ICA1: variants seen among roughly 807,000 people sequenced by gnomAD.
ICA1 encodes 69 kDa islet cell autoantigen.
ICA1 carries 40 observed loss-of-function variants against 71.0 expected under a neutral mutation model. The observed-to-expected ratio is 0.56, with a 90% CI of 0.44 to 0.73. The LOEUF (loss-of-function observed/expected upper bound fraction) is 0.73. Among genes scored for constraint, ICA1 ranks in the 30% least tolerant of loss-of-function variants. The pLI is 0.00. For missense variants in ICA1, 578 were observed against 576.5 expected (o/e 1.00, Z -0.03); for synonymous variants, 207 against 209.5 (o/e 0.99, Z 0.10).
In ICA1 at chr7:8,232,622, CA is replaced by C. The variant is rs1563122096; in HGVS notation, c.150del (p.Ala51ProfsTer10). ...ATGKKEDEHV[V>X]ASDADLDAKL... ...TTGGCATCCAGGTCCGCGTCAGAGG[CA>C]ACAACATGTTCATCTTCCTTCTTCC... On this transcript the variant is annotated frameshift_variant, in exon 3 of 14. Transcript: ENST00000402384. LOFTEE classifies it high-confidence loss of function. 6.2e-7 allele frequency: 1 copy of C among 1,612,836 alleles called. No individual in the cohort carries two copies. The highest frequency in any genetic ancestry group is 8.5e-7 in the Non-Finnish European group (1 of 1,179,420).
chr7:8,227,550 T>C (rs750765708), intron 4 of ICA1: 120 of 303,214 alleles, frequency 4.0e-4, no homozygotes, highest in Non-Finnish European at 6.8e-4. Flanking sequence ...ACATAGATAA[T>C]TTATAAAATA....
chr7:8,210,737 C>T (rs906285890), intron 6 of ICA1, among the ~76,000 whole-genome samples: 2 of 151,802 alleles, frequency 1.3e-5, no homozygotes, highest in South Asian at 2.1e-4. Flanking sequence ...TTTTTTGAAA[C>T]GGGGTCTCAC....
In ICA1 at chr7:8,218,302, T is replaced by C; in HGVS notation, c.579+3A>G. 1.2e-6 allele frequency: 2 copies of C among 1,613,980 alleles called. No homozygotes were observed. Among genetic ancestry groups the C allele is most frequent in the South Asian group, 1.1e-5 (1 of 91,074 alleles). On this transcript the variant is annotated splice_donor_region_variant and intron_variant, in intron 6 of 13. Transcript: ENST00000402384. Reference sequence around the variant, plus strand: ...TTCTGCTAACCCTCATAAAACCTCCTACCTTCCTGAACTTCTCCATTTGCT... The same window carrying C: ...TTCTGCTAACCCTCATAAAACCTCCCACCTTCCTGAACTTCTCCATTTGCT...
chr7:8,134,422 T>C (rs989418339), intron 12 of ICA1, among the ~76,000 whole-genome samples: 24 of 152,082 alleles, frequency 1.6e-4, no homozygotes, highest in African/African-American at 5.6e-4. Flanking sequence ...ACACAGAAGA[T>C]GGAAGGAAAC....
intron 13 of ICA1, among the ~76,000 whole-genome samples, chr7:8,127,255 G>A (rs1204553501): frequency 2.0e-5 from 3 of 151,654 alleles, no homozygotes; most frequent in Admixed American, 6.6e-5. Context: ...GCCTCCCAAA[G>A]TGCTGGGATT....
chr7:8,251,288 A>C (rs893795084), intron 1 of ICA1, among the ~76,000 whole-genome samples: 6 of 151,792 alleles, frequency 4.0e-5, no homozygotes, highest in African/African-American at 1.5e-4. Flanking sequence ...TGACTCCCTA[A>C]AACTATTAAA....
chr7:8,257,239 G>C (rs1406613099), intron 1 of ICA1, among the ~76,000 whole-genome samples: 1 of 152,186 alleles, frequency 6.6e-6, no homozygotes, highest in Non-Finnish European at 1.5e-5. Flanking sequence ...AAGGAGAGGG[G>C]CACTATTTAT....
At chr7:8,141,460 A>C (rs1416727243) in intron 10 of ICA1, among the ~76,000 whole-genome samples, 1 of 152,168 alleles carries the variant, frequency 6.6e-6, no homozygotes, top group African/African-American at 2.4e-5. Context: ...AAATCTTATA[A>C]TCCGCTGTGA....
intron 6 of ICA1, among the ~76,000 whole-genome samples, chr7:8,215,275 G>C (rs1252832747): frequency 6.6e-6 from 1 of 152,120 alleles, no homozygotes. Flanking sequence ...TAAGCACGCT[G>C]CTCCTTTCCC....
intron 1 of ICA1, among the ~76,000 whole-genome samples, chr7:8,241,686 C>A (rs1429449613): frequency 6.6e-6 from 1 of 152,158 alleles, no homozygotes; most frequent in Non-Finnish European, 1.5e-5. Context: ...CAGACAGAGA[C>A]ACACATAGGC....
intron 4 of ICA1, among the ~76,000 whole-genome samples, chr7:8,227,196 C>T (rs1477580409): frequency 1.3e-5 from 2 of 152,172 alleles, no homozygotes; most frequent in East Asian, 3.9e-4. Context: ...AAGGTTTAAG[C>T]CAAGGAAGAA....
At chr7:8,147,597 G>A (rs1562663711) in intron 8 of ICA1, among the ~76,000 whole-genome samples, 2 of 151,630 alleles carry the variant, frequency 1.3e-5, no homozygotes, top group Non-Finnish European at 2.9e-5. Context: ...GCTCAGGGGA[G>A]TAATTTGAAA....
At chr7:8,169,941 C>T (rs1287871574) in intron 6 of ICA1, among the ~76,000 whole-genome samples, 4 of 75,856 alleles carry the variant, frequency 5.3e-5, no homozygotes, top group African/African-American at 6.9e-5. Flanking sequence ...AATGCCTGAA[C>T]AAACCTTCCC....
chr7:8,240,615 G>A (rs867310119), intron 1 of ICA1, among the ~76,000 whole-genome samples: 2 of 152,086 alleles, frequency 1.3e-5, no homozygotes, highest in African/African-American at 4.8e-5. Context: ...AAACTTCTCC[G>A]AGCTAAAGGA....
intron 13 of ICA1, among the ~76,000 whole-genome samples, chr7:8,121,455 G>A (rs1280849252): frequency 6.6e-6 from 1 of 152,134 alleles, no homozygotes; most frequent in Non-Finnish European, 1.5e-5. Flanking sequence ...GCAACAACCT[G>A]GATGGAACTG....
At chr7:8,167,003 G>C (rs1806244992) in intron 6 of ICA1, among the ~76,000 whole-genome samples, 1 of 152,146 alleles carries the variant, frequency 6.6e-6, no homozygotes. Context: ...GCAGAAAAAA[G>C]GAATGTGTAT....
At chr7:8,237,902 C>T (rs74795944) in intron 1 of ICA1, among the ~76,000 whole-genome samples, 6,072 of 152,072 alleles carry the variant, frequency 0.04, 186 homozygotes, top group African/African-American at 0.095. Flanking sequence ...GTTGCTTTCA[C>T]ATCTTGGCTA....
At chr7:8,214,059 T>C (rs1361508029) in intron 6 of ICA1, among the ~76,000 whole-genome samples, 2 of 152,228 alleles carry the variant, frequency 1.3e-5, no homozygotes, top group Non-Finnish European at 2.9e-5. Flanking sequence ...ACTGGTCCGC[T>C]TGTCCTTGTC....
At chr7:8,213,093 A>C (rs1208076228) in intron 6 of ICA1, among the ~76,000 whole-genome samples, 1 of 152,214 alleles carries the variant, frequency 6.6e-6, no homozygotes, top group Non-Finnish European at 1.5e-5. Flanking sequence ...AAAAACAGGC[A>C]CCCCAGTTAA....
Sources: gnomAD v4.1 joint callset for allele counts (sites outside exome capture counted in the v4.1 genomes callset) on GRCh38, gnomAD v4.1.1 for gene constraint, MANE v1.5 for transcripts, NCBI Gene and HGNC (gene_info 2026-07-23, HGNC 2026-07-21) for gene names.